The following FOXN3 variants were observed in gnomAD, a reference collection of about 807,000 sequenced individuals.
The protein encoded by FOXN3 is forkhead box N3.
A neutral mutation model predicts 38.4 loss-of-function variants in FOXN3; 7 were observed. That is an observed-to-expected ratio of 0.18 (90% CI 0.10 to 0.34). FOXN3 has a LOEUF of 0.34. Ranked by LOEUF, FOXN3 falls within the 10% of genes least tolerant of loss-of-function variation. FOXN3 has a pLI of 1.00. For synonymous variants in FOXN3, 230 were observed against 242.2 expected (o/e 0.95, Z 0.47); for missense variants, 456 against 613.4 (o/e 0.74, Z 2.71).
At chr14:89,442,837 C>A (rs911725493) in intron 1 of FOXN3, among the ~76,000 whole-genome samples, 11 of 152,206 alleles carry the variant, frequency 7.2e-5, no homozygotes, top group African/African-American at 2.7e-4. Context: ...AACTGGAGGG[C>A]CTGCTCAGTG....
At chr14:89,555,876 TA>T (rs869182999) in intron 1 of FOXN3, among the ~76,000 whole-genome samples, 1 of 108,512 alleles carries the variant, frequency 9.2e-6, no homozygotes, top group African/African-American at 2.9e-5. Flanking sequence ...TGTGTGTGTG[TA>T]TGTGGGGGTG....
At chr14:89,291,317 G>T in intron 3 of FOXN3, 2 of 521,712 alleles carry the variant, frequency 3.8e-6, no homozygotes, top group South Asian at 1.5e-5. Flanking sequence ...GCATTCTCTC[G>T]GGGTTGTTGG....
chr14:89,473,144 C>T (rs1893141171), intron 1 of FOXN3, among the ~76,000 whole-genome samples: 1 of 152,030 alleles, frequency 6.6e-6, no homozygotes, highest in Admixed American at 6.6e-5. Context: ...CCTGCCTCAG[C>T]CTCCCAAGTA....
At chr14:89,285,652 T>A (rs763290086) in intron 3 of FOXN3, among the ~76,000 whole-genome samples, 9 of 149,876 alleles carry the variant, frequency 6.0e-5, no homozygotes, top group Admixed American at 1.3e-4. Flanking sequence ...GTATCTAGAG[T>A]AGACAAATTC....
chr14:89,484,861 G>A lies in FOXN3; in HGVS notation c.-14-72371C>T, dbSNP rs1052382370. On this transcript the variant is annotated intron_variant, in intron 1 of 6. Transcript: ENST00000345097. The surrounding 1 kb of genome is among the most constrained non-coding windows in gnomAD (Gnocchi z 4.0). ...CACCTTTAAGACCCAGGACAGGCCA[G>A]GTGTGGTAGCTCATGCCTGTAATCC... Among the ~76,000 whole-genome samples, 6 of 152,154 alleles carry A rather than the reference G, an allele frequency of 3.9e-5. No individual in the cohort carries two copies. Among genetic ancestry groups the A allele is most frequent in the African/African-American group, 1.2e-4 (5 of 41,438 alleles).
upstream of FOXN3, among the ~76,000 whole-genome samples, chr14:89,418,357 G>A (rs367843743): frequency 2.6e-5 from 4 of 151,026 alleles, no homozygotes; most frequent in East Asian, 5.9e-4. Context: ...CAAAAGGAGG[G>A]ACTAAGGGAA....
chr14:89,360,747 T>TCCACCA lies in FOXN3; in HGVS notation c.544-9945_544-9940dup, dbSNP rs1382700548. Among the ~76,000 whole-genome samples the TCCACCA allele has an allele frequency of 3.0e-5, 2 of 67,502 alleles. 1 individual carries two copies. Among genetic ancestry groups the TCCACCA allele is most frequent in the Non-Finnish European group, 5.5e-5 (2 of 36,644 alleles). The allele number at this position is 67,502 out of a possible 152,430, so 44.3% of individuals were successfully genotyped here. On this transcript the variant is annotated intron_variant, in intron 2 of 5. Coordinates refer to ENST00000557258, the MANE Select transcript of FOXN3 (RefSeq NM_005197.4). Reference sequence around the variant, plus strand: ...CACCACCACCACCTCCAGCACCACCTCCACCACCACCTCCACCACTACCAC... The same window carrying TCCACCA: ...CACCACCACCACCTCCAGCACCACCTCCACCACCACCACCACCTCCACCACTACCAC...
At chr14:89,510,770 C>T (rs1297092646) in intron 1 of FOXN3, among the ~76,000 whole-genome samples, 1 of 152,100 alleles carries the variant, frequency 6.6e-6, no homozygotes, top group Admixed American at 6.5e-5. Context: ...GGTGAAACAC[C>T]GGCCCTACTA....
intron 4 of FOXN3, among the ~76,000 whole-genome samples, chr14:89,201,941 T>G (rs1484024578): frequency 6.6e-6 from 1 of 152,328 alleles, no homozygotes; most frequent in South Asian, 2.1e-4. Context: ...GTGCTGAGAA[T>G]TGAGTATTTC....
chr14:89,418,924 GC>G (rs1377504608), upstream of FOXN3, among the ~76,000 whole-genome samples: 1 of 116,070 alleles, frequency 8.6e-6, no homozygotes, highest in Admixed American at 9.5e-5. Context: ...TCCATCCCCA[GC>G]CCCCAACCCC....
chr14:89,267,152 G>A (rs1886008554), intron 4 of FOXN3, among the ~76,000 whole-genome samples: 1 of 152,154 alleles, frequency 6.6e-6, no homozygotes, highest in African/African-American at 2.4e-5. Context: ...TCTGATAAAG[G>A]TACTGTGAGC....
intron 4 of FOXN3, among the ~76,000 whole-genome samples, chr14:89,266,847 C>T (rs900320261): frequency 2.6e-5 from 4 of 152,136 alleles, no homozygotes; most frequent in African/African-American, 4.8e-5. Flanking sequence ...AATGTCACTC[C>T]AGGCCCTAAA....
chr14:89,404,313 G>T (rs1891329101), intron 2 of FOXN3, among the ~76,000 whole-genome samples: 1 of 151,732 alleles, frequency 6.6e-6, no homozygotes, highest in Admixed American at 6.6e-5. Context: ...TTCGAGACCA[G>T]CCTGACCAAC....
At chr14:89,371,918 G>C (rs888184629) in intron 2 of FOXN3, among the ~76,000 whole-genome samples, 2 of 152,084 alleles carry the variant, frequency 1.3e-5, no homozygotes, top group Non-Finnish European at 2.9e-5. Flanking sequence ...CAGGTCCCGG[G>C]GGGATGGAAG....
At chr14:89,274,531 C>T (rs754747777) in intron 4 of FOXN3, among the ~76,000 whole-genome samples, 5 of 152,080 alleles carry the variant, frequency 3.3e-5, no homozygotes, top group African/African-American at 2.4e-5. Context: ...GATTGTAAAA[C>T]GGGGTTGTGA....
At chr14:89,259,779 C>G (rs886584393) in intron 4 of FOXN3, among the ~76,000 whole-genome samples, 2 of 152,208 alleles carry the variant, frequency 1.3e-5, no homozygotes, top group African/African-American at 4.8e-5. Context: ...GGGGTCAACT[C>G]CCCCGACAGA....
intron 4 of FOXN3, among the ~76,000 whole-genome samples, chr14:89,181,521 G>A (rs1319078835): frequency 6.6e-6 from 1 of 152,192 alleles, no homozygotes; most frequent in African/African-American, 2.4e-5. Context: ...CTCGTGGCCT[G>A]AGGAAAGGCC....
At chr14:89,323,850 G>A (rs561673815) in intron 3 of FOXN3, among the ~76,000 whole-genome samples, 76 of 152,314 alleles carry the variant, frequency 5.0e-4, no homozygotes, top group South Asian at 1.7e-3. Flanking sequence ...TGGGGGTGGT[G>A]GTGAAGTGTA....
intron 1 of FOXN3, among the ~76,000 whole-genome samples, chr14:89,511,322 C>G (rs1015359483): frequency 7.2e-6 from 1 of 138,880 alleles, no homozygotes; most frequent in African/African-American, 2.7e-5. Flanking sequence ...TTGAGACAGT[C>G]TCTCTCTGCT....
Sources: allele counts gnomAD v4.1 joint callset (sites outside exome capture counted in the v4.1 genomes callset), GRCh38; gene constraint gnomAD v4.1.1; non-coding constraint Gnocchi (gnomAD v3.1); transcripts MANE v1.5; gene names NCBI Gene and HGNC (gene_info 2026-07-23, HGNC 2026-07-21).